STPG2: variants seen among roughly 807,000 people sequenced by gnomAD.
STPG2 encodes sperm tail PG-rich repeat containing 2.
A neutral mutation model predicts 54.2 loss-of-function variants in STPG2; 56 were observed. That is an observed-to-expected ratio of 1.03 (90% CI 0.83 to 1.29). The LOEUF (loss-of-function observed/expected upper bound fraction) is 1.29. STPG2 is among the 50% of genes most tolerant of loss of function. The probability of loss-of-function intolerance (pLI) is 0.00; values close to 1 mark genes in which losing one functional copy is unlikely to be tolerated. For synonymous variants in STPG2, 200 were observed against 181.8 expected, an observed-to-expected ratio of 1.10 and a Z score of -0.81; for missense variants, 596 against 544.9, an observed-to-expected ratio of 1.09 and a Z score of -0.93.
At chr4:97,833,661 A>T (rs767621504) in intron 9 of STPG2, among the ~76,000 whole-genome samples, 13 of 149,866 alleles carry the variant, frequency 8.7e-5, no homozygotes, top group Non-Finnish European at 1.2e-4. Context: ...AATTTACAAT[A>T]AAAAAAAATA....
At chr4:97,466,160 C>T (rs1307047836) in intron 4 of STPG2, among the ~76,000 whole-genome samples, 1 of 152,036 alleles carries the variant, frequency 6.6e-6, no homozygotes, top group African/African-American at 2.4e-5. Context: ...TGCAAGCCCA[C>T]CATTTGAATT....
chr4:97,911,011 CAG>C (rs1731657554), intron 8 of STPG2, among the ~76,000 whole-genome samples: 1 of 152,188 alleles, frequency 6.6e-6, no homozygotes, highest in Admixed American at 6.5e-5. Context: ...AGAGGAAAAA[CAG>C]AGTGGGGCAA....
intron 10 of STPG2, among the ~76,000 whole-genome samples, chr4:97,675,398 A>T (rs2148972955): frequency 6.6e-6 from 1 of 152,326 alleles, no homozygotes; most frequent in Non-Finnish European, 1.5e-5. Flanking sequence ...TAAAAATTCA[A>T]GGCCTGCTAC....
chr4:97,589,480 T>C (rs1239914174), intron 10 of STPG2, among the ~76,000 whole-genome samples: 1 of 152,154 alleles, frequency 6.6e-6, no homozygotes, highest in Non-Finnish European at 1.5e-5. Context: ...ATTCATATAT[T>C]AATTTAATAA....
At chr4:97,505,193 T>C (rs1730817977) in intron 4 of STPG2, among the ~76,000 whole-genome samples, 1 of 151,978 alleles carries the variant, frequency 6.6e-6, no homozygotes. Flanking sequence ...AATGCTTTCA[T>C]TTTTTTCTTT....
chr4:97,894,429 C>T (rs915471296), intron 8 of STPG2, among the ~76,000 whole-genome samples: 5 of 151,910 alleles, frequency 3.3e-5, no homozygotes, highest in African/African-American at 4.8e-5. Flanking sequence ...TCTGCCTCCT[C>T]GTTTCAAAAA....
At chr4:98,016,735 T>G (rs1735958226) in intron 5 of STPG2, among the ~76,000 whole-genome samples, 1 of 152,230 alleles carries the variant, frequency 6.6e-6, no homozygotes, top group Non-Finnish European at 1.5e-5. Flanking sequence ...CAATGGTTCT[T>G]TGTCAGGCTA....
rs184170145 is a variant in STPG2, at chr4:97,550,936, T to C, written c.462+161763A>G. Among the ~76,000 whole-genome samples, 527 of 151,620 alleles carry C rather than the reference T, an allele frequency of 3.5e-3. 4 individuals are homozygous for C. Among genetic ancestry groups the C allele is most frequent in the African/African-American group, 0.012 (490 of 41,072 alleles). On this transcript the variant is annotated intron_variant, in intron 4 of 4. Coordinates refer to the STPG2 transcript ENST00000522676. ...CAGTTAGTGTTACAGCTCATAAAGG[T>C]AGTGCAGACCCAAAGAGTGAGCAGC... is the stretch of plus-strand genomic sequence containing the variant.
intron 9 of STPG2, among the ~76,000 whole-genome samples, chr4:97,731,028 C>T (rs138444307): frequency 6.6e-6 from 1 of 152,246 alleles, no homozygotes; most frequent in African/African-American, 2.4e-5. Context: ...GGTTAGGAAC[C>T]ATTGCTGGGA....
chr4:98,011,774 G>T (rs558243379), intron 5 of STPG2, among the ~76,000 whole-genome samples: 1 of 152,252 alleles, frequency 6.6e-6, no homozygotes, highest in South Asian at 2.1e-4. Context: ...AGAAGTGTCT[G>T]TTCATACCCT....
intron 8 of STPG2, among the ~76,000 whole-genome samples, chr4:97,907,466 C>G (rs1223911448): frequency 1.3e-5 from 2 of 152,052 alleles, no homozygotes; most frequent in African/African-American, 4.8e-5. Flanking sequence ...AGATTCAATG[C>G]CATCCCCATC....
intron 5 of STPG2, among the ~76,000 whole-genome samples, chr4:98,029,002 T>C (rs1240683682): frequency 6.6e-6 from 1 of 152,144 alleles, no homozygotes; most frequent in Non-Finnish European, 1.5e-5. Context: ...TCCAGACATT[T>C]TTCTGTGATT....
At chr4:97,834,554 CA>C (rs1390393259) in intron 9 of STPG2, among the ~76,000 whole-genome samples, 1 of 151,660 alleles carries the variant, frequency 6.6e-6, no homozygotes, top group Non-Finnish European at 1.5e-5. Flanking sequence ...ATAATCAGGC[CA>C]AATATAATAA....
intron 9 of STPG2, among the ~76,000 whole-genome samples, chr4:97,838,495 A>T (rs1728698758): frequency 6.6e-6 from 1 of 151,178 alleles, no homozygotes; most frequent in Non-Finnish European, 1.5e-5. Flanking sequence ...TATTAATATT[A>T]AAAAGAATAG....
chr4:97,866,595 CT>C (rs1237484883), intron 8 of STPG2, among the ~76,000 whole-genome samples: 1 of 151,794 alleles, frequency 6.6e-6, no homozygotes, highest in Non-Finnish European at 1.5e-5. Flanking sequence ...GTTTTTGGTA[CT>C]GCAAATTGTG....
chr4:98,097,278 C>CAT (rs926976565), intron 5 of STPG2, among the ~76,000 whole-genome samples: 5 of 152,170 alleles, frequency 3.3e-5, no homozygotes, highest in Admixed American at 1.3e-4. Flanking sequence ...GATCACTCAT[C>CAT]ATAACCAAGT....
intron 5 of STPG2, among the ~76,000 whole-genome samples, chr4:98,082,906 C>T (rs1410428640): frequency 8.5e-5 from 13 of 152,142 alleles, no homozygotes; most frequent in Admixed American, 8.5e-4. Context: ...CCAAATAGTA[C>T]TCTAAATAAA....
intron 10 of STPG2, among the ~76,000 whole-genome samples, chr4:97,563,207 T>C (rs1422835739): frequency 6.6e-6 from 1 of 152,240 alleles, no homozygotes; most frequent in Non-Finnish European, 1.5e-5. Context: ...CCATTTCTTC[T>C]AGATTTTCTA....
At chr4:98,020,682 C>G (rs902406983) in intron 5 of STPG2, among the ~76,000 whole-genome samples, 7 of 152,020 alleles carry the variant, frequency 4.6e-5, no homozygotes, top group South Asian at 2.1e-4. Context: ...ACTGATTATT[C>G]CCACAATTTC....
Sources: gnomAD v4.1 joint callset for allele counts (sites outside exome capture counted in the v4.1 genomes callset) on GRCh38, gnomAD v4.1.1 for gene constraint, MANE v1.5 for transcripts, NCBI Gene and HGNC (gene_info 2026-07-23, HGNC 2026-07-21) for gene names.